TMTC1: variants seen among roughly 807,000 people sequenced by gnomAD.
The protein encoded by TMTC1 is transmembrane O-mannosyltransferase targeting cadherins 1.
A neutral mutation model predicts 104.8 loss-of-function variants in TMTC1; 73 were observed. The ratio of observed to expected loss-of-function variants is 0.70; its 90% CI spans 0.58 to 0.85. TMTC1 has a LOEUF of 0.85. TMTC1 is among the 40% of genes least tolerant of loss of function. The pLI is 0.00. For synonymous variants in TMTC1, 434 were observed against 428.7 expected (o/e 1.01, Z -0.15); for missense variants, 1,035 against 1,096.1 (o/e 0.94, Z 0.79).
Position 29,517,553 on chromosome 12 carries a change from G to C in TMTC1, c.2043C>G (p.His681Gln), listed in dbSNP as rs1442884665. 2 of 1,614,092 alleles carry C rather than the reference G, an allele frequency of 1.2e-6. No homozygotes were observed. The highest frequency in any genetic ancestry group is 1.7e-6 in the Non-Finnish European group (2 of 1,179,992). Residue 681 changes from histidine to glutamine, a missense_variant, in exon 14 of 18, where the codon CAC (histidine) becomes CAG (glutamine). Coordinates refer to ENST00000539277, the MANE Select transcript of TMTC1 (RefSeq NM_001193451.2). ...EWYKRALQVA[H>Q]KAEILSPLGA... The stretch of plus-strand genomic sequence containing the variant: ...CCAAAGGTGACAATATCTCAGCTTT[G>C]TGTGCCACCTGCAGGGCGCTGAGTT...
chr12:29,513,414 A>G (rs1462880251), intron 16 of TMTC1, among the ~76,000 whole-genome samples: 2 of 152,192 alleles, frequency 1.3e-5, no homozygotes, highest in Admixed American at 1.3e-4. Flanking sequence ...AAGAATGACG[A>G]TATTGAAAAT....
chr12:29,644,602 G>C (rs1939186129), intron 5 of TMTC1, among the ~76,000 whole-genome samples: 1 of 152,108 alleles, frequency 6.6e-6, no homozygotes, highest in African/African-American at 2.4e-5. Context: ...CTAAGCAGCT[G>C]CAAGAAAGAA....
At position 29,727,660 on chromosome 12, in the gene TMTC1, G is replaced by A. The variant is rs552577331; in HGVS notation, c.938+24006C>T. On this transcript the variant is annotated intron_variant, in intron 5 of 17. Coordinates refer to ENST00000539277, the MANE Select transcript of TMTC1 (RefSeq NM_001193451.2). Reference sequence around the variant, plus strand: ...CAAAGTGCTGGAATTACAGGCGTGAGCCACCGTGCCTGGCCCTGAAATTTA... The same window carrying A: ...CAAAGTGCTGGAATTACAGGCGTGAACCACCGTGCCTGGCCCTGAAATTTA... Among the ~76,000 whole-genome samples, 1,127 of 152,308 alleles carry A rather than the reference G, an allele frequency of 7.4e-3. 3 individuals are homozygous for A. The highest frequency in any genetic ancestry group is 0.014 in the Non-Finnish European group (919 of 68,034).
chr12:29,654,136 C>G (rs762888955), intron 5 of TMTC1, among the ~76,000 whole-genome samples: 20 of 151,808 alleles, frequency 1.3e-4, no homozygotes, highest in Non-Finnish European at 2.7e-4. Flanking sequence ...AGGACATCAT[C>G]AAGTAAGTGA....
intron 5 of TMTC1, among the ~76,000 whole-genome samples, chr12:29,673,386 G>A (rs531343163): frequency 1.3e-5 from 2 of 152,200 alleles, no homozygotes; most frequent in South Asian, 2.1e-4. Context: ...TGTGTAAAAC[G>A]CTTTTCAATA....
intron 5 of TMTC1, among the ~76,000 whole-genome samples, chr12:29,708,303 G>A (rs1941807119): frequency 1.3e-5 from 2 of 152,188 alleles, no homozygotes; most frequent in Non-Finnish European, 2.9e-5. Flanking sequence ...TACAGCCAGG[G>A]AATGATAAAT....
At chr12:29,764,022 G>A (rs762592738) in intron 2 of TMTC1, among the ~76,000 whole-genome samples, 1 of 152,184 alleles carries the variant, frequency 6.6e-6, no homozygotes, top group Non-Finnish European at 1.5e-5. Context: ...AAGTACAAAA[G>A]CAACTGGTCA....
rs1483465233 is a variant in TMTC1 at position 29,692,800 on chromosome 12, G to A, written c.938+58866C>T. Reference sequence around the variant, plus strand: ...TTATAAACAAAATACAAGTGAACACGATTCAGCAATAAAAATAGAAGAAAG... The same window carrying A: ...TTATAAACAAAATACAAGTGAACACAATTCAGCAATAAAAATAGAAGAAAG... On this transcript the variant is annotated intron_variant, in intron 5 of 17. Transcript: ENST00000539277. Among the ~76,000 whole-genome samples, 3 of 145,298 alleles carry A rather than the reference G, an allele frequency of 2.1e-5. 1 individual carries two copies. The Admixed American group carries it at 2.1e-4, about 10-fold the overall frequency.
chr12:29,629,641 C>T (rs1308847245), intron 6 of TMTC1, among the ~76,000 whole-genome samples: 1 of 152,062 alleles, frequency 6.6e-6, no homozygotes, highest in African/African-American at 2.4e-5. Flanking sequence ...ACAGAAAGCA[C>T]ATTAAAGGTT....
chr12:29,679,004 G>A lies in TMTC1; in HGVS notation c.939-45668C>T, dbSNP rs187431542. On this transcript the variant is annotated intron_variant, in intron 5 of 17. Transcript: ENST00000539277. Reference sequence around the variant, plus strand: ...ATCCGAAATGCACAGAAAGAGTTATGTCCATAATATTTATTAATAAAAAAC... The same window carrying A: ...ATCCGAAATGCACAGAAAGAGTTATATCCATAATATTTATTAATAAAAAAC... 2.7e-3 allele frequency among the ~76,000 whole-genome samples: 410 copies of A among 152,248 alleles called. 2 individuals are homozygous for A. The highest frequency in any genetic ancestry group is 9.5e-3 in the African/African-American group (394 of 41,550).
chr12:29,536,900 T>G (rs1255432248), intron 10 of TMTC1, among the ~76,000 whole-genome samples: 2 of 152,222 alleles, frequency 1.3e-5, no homozygotes, highest in African/African-American at 2.4e-5. Flanking sequence ...ATCATCATAT[T>G]TTTACTGAAA....
At chr12:29,666,226 T>TC (rs1357663588) in intron 5 of TMTC1, 4 of 412,056 alleles carry the variant, frequency 9.7e-6, no homozygotes, top group African/African-American at 7.4e-5. Context: ...TTTTTCTTTT[T>TC]TCTTTTTTTT....
intron 2 of TMTC1, among the ~76,000 whole-genome samples, chr12:29,765,252 A>T (rs1943437383): frequency 6.6e-6 from 1 of 152,164 alleles, no homozygotes; most frequent in African/African-American, 2.4e-5. Context: ...ACTTGAAAGG[A>T]TCTAACTTCC....
intron 5 of TMTC1, among the ~76,000 whole-genome samples, chr12:29,736,534 C>T (rs1435012811): frequency 6.6e-6 from 1 of 152,190 alleles, no homozygotes; most frequent in East Asian, 1.9e-4. Flanking sequence ...ATTCTCCTGC[C>T]TCAGCCTCCT....
intron 5 of TMTC1, among the ~76,000 whole-genome samples, chr12:29,736,987 G>C (rs566692388): frequency 6.6e-6 from 1 of 152,354 alleles, no homozygotes; most frequent in South Asian, 2.1e-4. Context: ...CAGGAGCCCA[G>C]GATTGCCTCT....
intron 5 of TMTC1, among the ~76,000 whole-genome samples, chr12:29,708,813 AAG>A (rs1315680065): frequency 6.6e-6 from 1 of 152,210 alleles, no homozygotes; most frequent in African/African-American, 2.4e-5. Flanking sequence ...CCTCTGCAAC[AAG>A]AGAGATTCCC....
At chr12:29,684,527 C>T (rs962441235) in intron 5 of TMTC1, among the ~76,000 whole-genome samples, 13 of 152,150 alleles carry the variant, frequency 8.5e-5, no homozygotes, top group African/African-American at 3.1e-4. Context: ...AAATTCATAT[C>T]TGATTCATTT....
intron 8 of TMTC1, among the ~76,000 whole-genome samples, chr12:29,574,557 C>A (rs1945769223): frequency 6.6e-6 from 1 of 152,174 alleles, no homozygotes; most frequent in Admixed American, 6.5e-5. Context: ...GTTCTGGAGG[C>A]TAGAAGTTCA....
intron 5 of TMTC1, among the ~76,000 whole-genome samples, chr12:29,662,666 CAAAAAAA>C (rs35610791): frequency 1.2e-5 from 1 of 86,606 alleles, no homozygotes; most frequent in African/African-American, 4.4e-5. Flanking sequence ...GACTCCGTCT[CAAAAAAA>C]AAAAAAAAAA....
Sources: gnomAD v4.1 joint callset for allele counts (sites outside exome capture counted in the v4.1 genomes callset) on GRCh38, gnomAD v4.1.1 for gene constraint, MANE v1.5 for transcripts, NCBI Gene and HGNC (gene_info 2026-07-23, HGNC 2026-07-21) for gene names.